The following THRB variants were observed in gnomAD, a reference collection of about 807,000 sequenced individuals.
The protein encoded by THRB is nuclear receptor subfamily 1 group A member 2.
A neutral mutation model predicts 47.8 loss-of-function variants in THRB; 12 were observed. The observed-to-expected ratio is 0.25, with a 90% CI of 0.16 to 0.41. The LOEUF is 0.41. THRB is among the 10% of genes least tolerant of loss of function. The pLI, the probability that THRB is intolerant of heterozygous loss-of-function variation, is 1.00. For missense variants in THRB, 348 were observed against 589.2 expected, an observed-to-expected ratio of 0.59 and a Z score of 4.24; for synonymous variants, 218 against 212.2, an observed-to-expected ratio of 1.03 and a Z score of -0.24.
chr3:24,239,017 C>A (rs1161621398), intron 3 of THRB, among the ~76,000 whole-genome samples: 1 of 151,556 alleles, frequency 6.6e-6, no homozygotes, highest in Non-Finnish European at 1.5e-5. Flanking sequence ...TCTCAGCTCA[C>A]AGCAATCTCT....
At chr3:24,401,197 G>A (rs1335963286) in intron 1 of THRB, among the ~76,000 whole-genome samples, 1 of 152,062 alleles carries the variant, frequency 6.6e-6, no homozygotes, top group Non-Finnish European at 1.5e-5. Flanking sequence ...GAGAAAGGGA[G>A]TAGTTAGATT....
intron 1 of THRB, among the ~76,000 whole-genome samples, chr3:24,423,765 AT>A (rs1364527672): frequency 1.3e-5 from 2 of 151,878 alleles, no homozygotes; most frequent in African/African-American, 4.8e-5. Context: ...ATGGCCATCT[AT>A]TTATTGAATT....
At chr3:24,267,285 C>T (rs2052757832) in intron 3 of THRB, among the ~76,000 whole-genome samples, 2 of 148,272 alleles carry the variant, frequency 1.3e-5, no homozygotes, top group Admixed American at 6.7e-5. Context: ...AGAACCAAGA[C>T]AATAGAACAT....
At chr3:24,165,251 C>A (rs1324821972) in intron 5 of THRB, 2 of 765,040 alleles carry the variant, frequency 2.6e-6, no homozygotes, top group Admixed American at 3.4e-5. Flanking sequence ...ACCGCTGTAA[C>A]CCGGACTATC....
intron 1 of THRB, among the ~76,000 whole-genome samples, chr3:24,355,469 G>T (rs746257447): frequency 6.6e-6 from 1 of 152,166 alleles, no homozygotes. Context: ...AACAGAGGAT[G>T]TCAATTCAAT....
At chr3:24,306,501 T>A (rs1279378016) in intron 2 of THRB, among the ~76,000 whole-genome samples, 1 of 152,182 alleles carries the variant, frequency 6.6e-6, no homozygotes, top group Non-Finnish European at 1.5e-5. Context: ...AAGGGAAAAA[T>A]TATCCCAAAG....
At chr3:24,142,787 T>C (rs2035609615) in intron 8 of THRB, among the ~76,000 whole-genome samples, 2 of 152,250 alleles carry the variant, frequency 1.3e-5, no homozygotes, top group Admixed American at 1.3e-4. Flanking sequence ...GGCAAGCGGC[T>C]TAAGGCCTTG....
At chr3:24,377,878 G>C (rs2065411141) in intron 1 of THRB, among the ~76,000 whole-genome samples, 1 of 152,098 alleles carries the variant, frequency 6.6e-6, no homozygotes, top group African/African-American at 2.4e-5. Flanking sequence ...CAGTCAGCTA[G>C]ATAACAGGTT....
chr3:24,248,510 C>A (rs2050335378), intron 3 of THRB, among the ~76,000 whole-genome samples: 1 of 152,176 alleles, frequency 6.6e-6, no homozygotes, highest in East Asian at 1.9e-4. Flanking sequence ...TGTTGCCCCT[C>A]AGCTCCAGAT....
chr3:24,170,110 C>T (rs1244698129), intron 5 of THRB, among the ~76,000 whole-genome samples: 1 of 152,192 alleles, frequency 6.6e-6, no homozygotes, highest in African/African-American at 2.4e-5. Flanking sequence ...TTTGCCCAAC[C>T]AGGGCATCTC....
intron 10 of THRB, among the ~76,000 whole-genome samples, chr3:24,126,255 G>A (rs1438670431): frequency 6.6e-6 from 1 of 151,988 alleles, no homozygotes; most frequent in Non-Finnish European, 1.5e-5. Context: ...AATTAGCCAG[G>A]GGTGGTGGCG....
At chr3:24,179,019 A>AAGAG (rs1437483060) in intron 5 of THRB, among the ~76,000 whole-genome samples, 4 of 151,728 alleles carry the variant, frequency 2.6e-5, no homozygotes, top group Admixed American at 6.5e-5. Flanking sequence ...AAGCAGACTA[A>AAGAG]AGAGATAAAA....
chr3:24,303,149 A>AGAGATCT (rs1559877721), intron 2 of THRB, among the ~76,000 whole-genome samples: 2 of 152,338 alleles, frequency 1.3e-5, no homozygotes, highest in African/African-American at 4.8e-5. Context: ...TGATGGAAGC[A>AGAGATCT]GAGATCCTTA....
At chr3:24,164,640 C>G (rs2039381441) in intron 5 of THRB, among the ~76,000 whole-genome samples, 1 of 152,168 alleles carries the variant, frequency 6.6e-6, no homozygotes, top group Admixed American at 6.6e-5. Context: ...AAGGAAAAGT[C>G]AAATGAGTTT....
intron 3 of THRB, among the ~76,000 whole-genome samples, chr3:24,259,711 T>C (rs2051743849): frequency 2.0e-5 from 3 of 151,866 alleles, no homozygotes. Flanking sequence ...TTGTTTGTTT[T>C]TAATATATTG....
intron 1 of THRB, among the ~76,000 whole-genome samples, chr3:24,426,483 A>G (rs1211527912): frequency 6.6e-6 from 1 of 151,972 alleles, no homozygotes; most frequent in African/African-American, 2.4e-5. Context: ...GGCTTTTGTT[A>G]GCTGAATAAT....
At chr3:24,142,751 G>T (rs2035604737) in intron 8 of THRB, among the ~76,000 whole-genome samples, 1 of 152,204 alleles carries the variant, frequency 6.6e-6, no homozygotes, top group African/African-American at 2.4e-5. Flanking sequence ...TGGTTTTGGT[G>T]CCTGGCTTTT....
At chr3:24,241,417 T>C (rs994999285) in intron 3 of THRB, among the ~76,000 whole-genome samples, 2 of 152,156 alleles carry the variant, frequency 1.3e-5, no homozygotes, top group African/African-American at 2.4e-5. Context: ...ACTGTCCTCT[T>C]AACCCTACAG....
chr3:24,157,646 C>G lies in THRB; in HGVS notation c.284-5156G>C, dbSNP rs571544845. ...CTGGGCCCAAGCAGTCCTCCCAGCT[C>G]AGCTTCCTGAGTAGCTGGGACTACA... On this transcript the variant is annotated intron_variant, in intron 5 of 10. Transcript: ENST00000646209. 2.6e-5 allele frequency among the ~76,000 whole-genome samples: 4 copies of G among 152,292 alleles called. No homozygotes were observed. The South Asian group carries it at 8.3e-4, about 32-fold the overall frequency.
Sources: gnomAD v4.1 joint callset for allele counts (sites outside exome capture counted in the v4.1 genomes callset) on GRCh38, gnomAD v4.1.1 for gene constraint, MANE v1.5 for transcripts, NCBI Gene and HGNC (gene_info 2026-07-23, HGNC 2026-07-21) for gene names.